PGM1: variants seen among roughly 807,000 people sequenced by gnomAD.
PGM1 encodes phosphoglucomutase 1, also known as phosphoglucomutase-1.
PGM1 carries 52 observed loss-of-function variants against 55.6 expected under a neutral mutation model. The ratio of observed to expected loss-of-function variants is 0.94; its 90% CI spans 0.75 to 1.18. PGM1 has a LOEUF of 1.18. PGM1 is among the 50% of genes most tolerant of loss of function. The pLI is 0.00. For missense variants in PGM1, 724 were observed against 729.3 expected (o/e 0.99, Z 0.08); for synonymous variants, 287 against 271.7 (o/e 1.06, Z -0.55).
At chr1:63,627,912 G>A (rs775833175) in intron 1 of PGM1, among the ~76,000 whole-genome samples, 8 of 152,104 alleles carry the variant, frequency 5.3e-5, no homozygotes, top group South Asian at 2.1e-4. Flanking sequence ...GAGTCAGGAC[G>A]TTTCAATACT....
intron 7 of PGM1, among the ~76,000 whole-genome samples, chr1:63,641,145 A>G (rs1017832515): frequency 2.0e-5 from 3 of 152,206 alleles, no homozygotes; most frequent in African/African-American, 4.8e-5. Context: ...ACTTTAGACT[A>G]TTGTTAAAGT....
intron 1 of PGM1, among the ~76,000 whole-genome samples, chr1:63,594,906 A>G (rs1209614765): frequency 6.9e-6 from 1 of 144,254 alleles, no homozygotes; most frequent in African/African-American, 2.6e-5. Flanking sequence ...GCTTGCAGTG[A>G]GCTGAGATCC....
At chr1:63,639,445 C>G (rs1016862765) in intron 7 of PGM1, among the ~76,000 whole-genome samples, 4 of 151,886 alleles carry the variant, frequency 2.6e-5, no homozygotes, top group Non-Finnish European at 4.4e-5. Flanking sequence ...TCTCCTTCCT[C>G]CTCTCTGCTT....
chr1:63,646,724 G>A (rs1010662054), intron 7 of PGM1, among the ~76,000 whole-genome samples: 1 of 152,016 alleles, frequency 6.6e-6, no homozygotes, highest in Admixed American at 6.5e-5. Flanking sequence ...TACACCTTTT[G>A]TCAAGCAAGT....
At chr1:63,601,538 G>T (rs934605592) in intron 1 of PGM1, among the ~76,000 whole-genome samples, 1 of 152,136 alleles carries the variant, frequency 6.6e-6, no homozygotes, top group African/African-American at 2.4e-5. Context: ...TTATTCTGCT[G>T]ACTTTGAAGC....
At chr1:63,606,234 A>T (rs1359351488) in intron 1 of PGM1, among the ~76,000 whole-genome samples, 2 of 152,218 alleles carry the variant, frequency 1.3e-5, no homozygotes, top group South Asian at 2.1e-4. Flanking sequence ...AAATTTTTCC[A>T]TGCCATAAAA....
chr1:63,654,873 G>A (rs6588055), intron 10 of PGM1, among the ~76,000 whole-genome samples: 9,176 of 151,690 alleles, frequency 0.06, 956 homozygotes, highest in African/African-American at 0.21. Flanking sequence ...AACTTAGACT[G>A]TTATTCTCCC....
chr1:63,594,939 C>T (rs1379382292), intron 1 of PGM1, among the ~76,000 whole-genome samples: 1 of 123,594 alleles, frequency 8.1e-6, no homozygotes, highest in Non-Finnish European at 1.6e-5. Context: ...CTAGCCTCGG[C>T]GACAGAGCGA....
chr1:63,626,948 G>A (rs1208448905), intron 1 of PGM1, among the ~76,000 whole-genome samples: 1 of 151,284 alleles, frequency 6.6e-6, no homozygotes, highest in Non-Finnish European at 1.5e-5. Flanking sequence ...AATACCTCAT[G>A]TAAGTGGAAT....
chr1:63,640,099 C>T (rs1649475439), intron 7 of PGM1, among the ~76,000 whole-genome samples: 1 of 152,200 alleles, frequency 6.6e-6, no homozygotes, highest in African/African-American at 2.4e-5. Flanking sequence ...AGGGATACTA[C>T]ATGAGTGCCC....
chr1:63,599,510 A>C (rs996321312), intron 1 of PGM1, among the ~76,000 whole-genome samples: 13 of 152,044 alleles, frequency 8.6e-5, no homozygotes, highest in Non-Finnish European at 1.9e-4. Context: ...AAAAAAAAAA[A>C]AACCACTTTT....
chr1:63,608,766 C>G (rs10889433), intron 1 of PGM1, among the ~76,000 whole-genome samples: 1 of 152,114 alleles, frequency 6.6e-6, no homozygotes, highest in Admixed American at 6.5e-5. Context: ...CTGGGCCACA[C>G]AGTTCACTCT....
intron 1 of PGM1, among the ~76,000 whole-genome samples, chr1:63,618,398 C>G (rs1490700473): frequency 6.6e-6 from 1 of 152,134 alleles, no homozygotes; most frequent in Non-Finnish European, 1.5e-5. Context: ...CCTCCTTAAA[C>G]TTAAAATCCT....
At chr1:63,653,718 GAGA>G (rs1264123964) in intron 9 of PGM1, among the ~76,000 whole-genome samples, 1 of 152,192 alleles carries the variant, frequency 6.6e-6, no homozygotes, top group Non-Finnish European at 1.5e-5. Context: ...GGGCAGCAGA[GAGA>G]AGGATGGGCT....
intron 10 of PGM1, among the ~76,000 whole-genome samples, chr1:63,655,090 A>G (rs1649925382): frequency 6.7e-6 from 1 of 150,050 alleles, no homozygotes; most frequent in Non-Finnish European, 1.5e-5. Context: ...TACCTCAGCT[A>G]CCTGAGTAGC....
At chr1:63,632,549 A>G (rs990163962) in intron 4 of PGM1, among the ~76,000 whole-genome samples, 1 of 152,210 alleles carries the variant, frequency 6.6e-6, no homozygotes, top group African/African-American at 2.4e-5. Context: ...CTGGACTCCC[A>G]TAGAATGGAT....
At chr1:63,601,133 C>T (rs896501266) in intron 1 of PGM1, among the ~76,000 whole-genome samples, 2 of 151,990 alleles carry the variant, frequency 1.3e-5, no homozygotes, top group African/African-American at 2.4e-5. Flanking sequence ...TAGGGGAAGG[C>T]GGAAGAGGAG....
In PGM1 at chr1:63,629,943, T is replaced by A; in HGVS notation, c.411T>A (p.Gly137=). ...FGIKFNISNG[G]PAPEAITDKI... is the part of the protein sequence containing the mutation. ...CACTGTTTGCTGTTTGGTTTCCAGGTCCTGCTCCAGAAGCAATAACTGATA... is the reference window on the plus strand; with the variant it reads ...CACTGTTTGCTGTTTGGTTTCCAGGACCTGCTCCAGAAGCAATAACTGATA... Residue 137 remains glycine, a splice_region_variant and synonymous_variant, in exon 3 of 11, where the codon GGT becomes GGA. Coordinates refer to ENST00000371084, the MANE Select transcript of PGM1 (RefSeq NM_002633.3). The A allele has an allele frequency of 6.2e-7, 1 of 1,614,062 alleles. No homozygotes were observed.
chr1:63,625,140 A>G (rs1389212394), intron 1 of PGM1, among the ~76,000 whole-genome samples: 1 of 152,202 alleles, frequency 6.6e-6, no homozygotes, highest in East Asian at 1.9e-4. Flanking sequence ...TTGCTGTGAT[A>G]TATTTGGCTC....
Sources: allele counts gnomAD v4.1 joint callset (sites outside exome capture counted in the v4.1 genomes callset), GRCh38; gene constraint gnomAD v4.1.1; transcripts MANE v1.5; gene names NCBI Gene and HGNC (gene_info 2026-07-23, HGNC 2026-07-21).